Variants in MCPH1 observed in about 807,000 individuals in gnomAD.
The protein encoded by MCPH1 is microcephalin 1, also known as microcephalin.
Under a neutral mutation model 84.5 loss-of-function variants are expected in MCPH1, and 104 were observed. That is an observed-to-expected ratio of 1.23 (90% CI 1.05 to 1.45). The LOEUF is 1.45. MCPH1 is among the 40% of genes most tolerant of loss of function. The pLI is 0.00. For synonymous variants in MCPH1, 514 were observed against 366.8 expected, an observed-to-expected ratio of 1.40 and a Z score of -4.58; for missense variants, 1,498 against 1,005.7, an observed-to-expected ratio of 1.49 and a Z score of -6.62.
intron 12 of MCPH1, among the ~76,000 whole-genome samples, chr8:6,507,017 C>A (rs1001721023): frequency 1.1e-4 from 17 of 152,026 alleles, no homozygotes; most frequent in African/African-American, 3.6e-4. Context: ...CCTGCCTCAG[C>A]CTCCTGAGTA....
intron 12 of MCPH1, among the ~76,000 whole-genome samples, chr8:6,573,021 T>A (rs1490973090): frequency 6.6e-6 from 1 of 152,218 alleles, no homozygotes; most frequent in Non-Finnish European, 1.5e-5. Context: ...CTGAGAAAAT[T>A]GCCTGTGCAC....
At chr8:6,587,046 C>A (rs17077621) in intron 12 of MCPH1, among the ~76,000 whole-genome samples, 1 of 151,612 alleles carries the variant, frequency 6.6e-6, no homozygotes, top group Non-Finnish European at 1.5e-5. Flanking sequence ...CGCTAGGGAC[C>A]TCTGCTTCCA....
At position 6,505,839 on chromosome 8, in the gene MCPH1, A is replaced by T. The variant is rs905883066; in HGVS notation, c.2214+5910A>T. Among the ~76,000 whole-genome samples the T allele has an allele frequency of 5.0e-5, 7 of 139,614 alleles. 1 individual carries two copies. The highest frequency in any genetic ancestry group is 1.5e-4 in the Admixed American group (2 of 13,642). The allele number at this position is 139,614 out of a possible 152,430, so 91.6% of individuals were successfully genotyped here. A position where few individuals can be genotyped will look rare whatever the true frequency, so the allele number is the denominator to read the frequency against. On this transcript the variant is annotated intron_variant, in intron 12 of 13. Coordinates refer to ENST00000344683, the MANE Select transcript of MCPH1 (RefSeq NM_024596.5). ...TATATGTATATATAAAAACATGCAT[A>T]TTCTTTATATATGTATATATAAAAA...
At chr8:6,632,912 C>T (rs964034784) in intron 13 of MCPH1, among the ~76,000 whole-genome samples, 3 of 151,686 alleles carry the variant, frequency 2.0e-5, no homozygotes, top group Admixed American at 2.0e-4. Flanking sequence ...TGTGGTTTAA[C>T]CTAAGAATGA....
chr8:6,464,219 C>G (rs978856874), intron 9 of MCPH1, among the ~76,000 whole-genome samples: 1 of 152,082 alleles, frequency 6.6e-6, no homozygotes, highest in Non-Finnish European at 1.5e-5. Flanking sequence ...TCTGTAATTG[C>G]TTTGATAAAT....
At chr8:6,453,330 A>G (rs1319141061) in intron 8 of MCPH1, among the ~76,000 whole-genome samples, 1 of 152,080 alleles carries the variant, frequency 6.6e-6, no homozygotes, top group Non-Finnish European at 1.5e-5. Context: ...AAATAAAATC[A>G]TTTACTTAGA....
At chr8:6,427,412 C>T (rs1289490396) in intron 3 of MCPH1, among the ~76,000 whole-genome samples, 2 of 152,194 alleles carry the variant, frequency 1.3e-5, no homozygotes, top group Non-Finnish European at 2.9e-5. Context: ...TGCTTTGTCT[C>T]CCAGGCTGGA....
At chr8:6,623,979 T>G (rs879296410) in intron 13 of MCPH1, among the ~76,000 whole-genome samples, 5 of 152,236 alleles carry the variant, frequency 3.3e-5, no homozygotes, top group Non-Finnish European at 7.3e-5. Context: ...TTGCAAAGCG[T>G]GTGCCGTGCA....
At chr8:6,562,511 C>T (rs1825684925) in intron 12 of MCPH1, 5 of 753,342 alleles carry the variant, frequency 6.6e-6, no homozygotes, top group Non-Finnish European at 9.6e-6. Flanking sequence ...TTGAGGGTAC[C>T]AGCAACCCGC....
chr8:6,558,510 C>G (rs867262914), intron 12 of MCPH1, among the ~76,000 whole-genome samples: 13 of 152,160 alleles, frequency 8.5e-5, no homozygotes, highest in African/African-American at 3.1e-4. Context: ...ATGGTAAGAC[C>G]ATTATCCTTC....
intron 12 of MCPH1, among the ~76,000 whole-genome samples, chr8:6,548,909 T>C (rs1823080591): frequency 6.6e-6 from 1 of 152,254 alleles, no homozygotes. Context: ...CTGCCTGTTG[T>C]ATTTCACTAC....
chr8:6,416,502 GTTT>G (rs1799323155), intron 3 of MCPH1, among the ~76,000 whole-genome samples: 3 of 152,142 alleles, frequency 2.0e-5, no homozygotes, highest in Non-Finnish European at 4.4e-5. Flanking sequence ...GTTGCAGGTT[GTTT>G]GTTTGTTTCT....
rs1294842940 is a variant in MCPH1, at chr8:6,621,455, T to C, written c.2216T>C (p.Leu739Pro). The C allele has an allele frequency of 3.1e-6, 5 of 1,613,866 alleles. No homozygotes were observed. The Admixed American group carries it at 5.0e-5, about 16-fold the overall frequency. ...ATTCTATCTCTGTCTGCCCCACAGCTGTGCCGAAGCGAGTGCCACTTGTCT... is the reference window on the plus strand; with the variant it reads ...ATTCTATCTCTGTCTGCCCCACAGCCGTGCCGAAGCGAGTGCCACTTGTCT... The part of the protein sequence containing the change: ...ELSHHFPAAP[L>P]CRSECHLSAG... Residue 739 changes from leucine to proline, a missense_variant and splice_region_variant, in exon 13 of 14, where the codon CTG (leucine) becomes CCG (proline). By Grantham distance (98) the Leu-to-Pro change is moderately conservative (BLOSUM62 -3). Coordinates refer to ENST00000344683, the MANE Select transcript of MCPH1 (RefSeq NM_024596.5).
At chr8:6,596,909 A>G (rs1345517103) in intron 12 of MCPH1, among the ~76,000 whole-genome samples, 1 of 152,246 alleles carries the variant, frequency 6.6e-6, no homozygotes, top group African/African-American at 2.4e-5. Flanking sequence ...AGAATGAATG[A>G]GAAAACTCTT....
chr8:6,526,007 A>G (rs1050271149), intron 12 of MCPH1, among the ~76,000 whole-genome samples: 2 of 152,200 alleles, frequency 1.3e-5, no homozygotes, highest in Non-Finnish European at 2.9e-5. Flanking sequence ...AACTGGACAT[A>G]TCCTAGGTTT....
At chr8:6,623,965 G>C (rs908473146) in intron 13 of MCPH1, among the ~76,000 whole-genome samples, 8 of 152,232 alleles carry the variant, frequency 5.3e-5, no homozygotes, top group Admixed American at 1.3e-4. Flanking sequence ...AGTCTTTTTG[G>C]AGTTTGCAAA....
chr8:6,492,230 A>G (rs1202931591), intron 11 of MCPH1, among the ~76,000 whole-genome samples: 1 of 152,190 alleles, frequency 6.6e-6, no homozygotes, highest in Non-Finnish European at 1.5e-5. Flanking sequence ...ATGGCCAGTG[A>G]TGATGCGCAT....
intron 10 of MCPH1, among the ~76,000 whole-genome samples, chr8:6,479,053 C>T (rs1306014710): frequency 6.6e-6 from 1 of 152,168 alleles, no homozygotes; most frequent in Non-Finnish European, 1.5e-5. Context: ...TTGTTTGAGC[C>T]TAGGAGTTCA....
intron 9 of MCPH1, among the ~76,000 whole-genome samples, chr8:6,460,805 C>T (rs1347176741): frequency 6.6e-6 from 1 of 152,092 alleles, no homozygotes; most frequent in Non-Finnish European, 1.5e-5. Flanking sequence ...TTCACCTCCT[C>T]TTCCATGGGT....
Sources: gnomAD v4.1 joint callset for allele counts (sites outside exome capture counted in the v4.1 genomes callset) on GRCh38, gnomAD v4.1.1 for gene constraint, MANE v1.5 for transcripts, NCBI Gene and HGNC (gene_info 2026-07-23, HGNC 2026-07-21) for gene names.